The following CNTN5 variants were observed in gnomAD, a reference collection of about 807,000 sequenced individuals.
CNTN5 encodes the protein contactin-5.
A neutral mutation model predicts 129.1 loss-of-function variants in CNTN5; 77 were observed. That is an observed-to-expected ratio of 0.60 (90% CI 0.50 to 0.72). The LOEUF (loss-of-function observed/expected upper bound fraction) is 0.72. CNTN5 is among the 30% of genes least tolerant of loss of function. CNTN5 has a pLI of 0.00. For missense variants in CNTN5, 1,478 were observed against 1,328.8 expected (o/e 1.11, Z -1.75); for synonymous variants, 509 against 465.6 (o/e 1.09, Z -1.20).
chr11:100,167,280 T>TA, intron 13 of CNTN5, among the ~76,000 whole-genome samples: 1 of 151,894 alleles, frequency 6.6e-6, no homozygotes, highest in Non-Finnish European at 1.5e-5. Flanking sequence ...ATACTGTGTG[T>TA]AAGAGACCGT....
intron 2 of CNTN5, among the ~76,000 whole-genome samples, chr11:99,469,556 T>C (rs1179436843): frequency 6.6e-6 from 1 of 152,122 alleles, no homozygotes; most frequent in African/African-American, 2.4e-5. Context: ...AGCTCTGATT[T>C]TCCCATTCCC....
chr11:99,266,456 T>C (rs1010610370), intron 1 of CNTN5, among the ~76,000 whole-genome samples: 2 of 151,894 alleles, frequency 1.3e-5, no homozygotes, highest in South Asian at 2.1e-4. Flanking sequence ...TTAAAAGTTA[T>C]CCAGGCATGG....
intron 6 of CNTN5, among the ~76,000 whole-genome samples, chr11:99,849,305 T>C (rs1482324699): frequency 6.6e-6 from 1 of 151,836 alleles, no homozygotes. Context: ...CTTTGATTTT[T>C]AGTATCATTA....
intron 2 of CNTN5, among the ~76,000 whole-genome samples, chr11:99,468,590 C>A (rs74816604): frequency 6.6e-6 from 1 of 151,890 alleles, no homozygotes; most frequent in Non-Finnish European, 1.5e-5. Context: ...AGCTTCTTTC[C>A]ACTCAAATTC....
chr11:99,357,993 G>T (rs943436521), intron 2 of CNTN5, among the ~76,000 whole-genome samples: 1 of 148,652 alleles, frequency 6.7e-6, no homozygotes, highest in African/African-American at 2.5e-5. Flanking sequence ...GAGAGAGGGA[G>T]ACTCTGTCTC....
chr11:99,533,356 A>G (rs910588723), intron 2 of CNTN5, among the ~76,000 whole-genome samples: 1 of 152,248 alleles, frequency 6.6e-6, no homozygotes, highest in Non-Finnish European at 1.5e-5. Flanking sequence ...CAGCTAAAAC[A>G]GTAACATCAG....
At chr11:99,587,959 A>G (rs1949853954) in intron 3 of CNTN5, among the ~76,000 whole-genome samples, 1 of 152,212 alleles carries the variant, frequency 6.6e-6, no homozygotes, top group Non-Finnish European at 1.5e-5. Context: ...GAACAGCATA[A>G]CAAGAGAACA....
intron 3 of CNTN5, among the ~76,000 whole-genome samples, chr11:99,652,711 T>C (rs1952204516): frequency 6.6e-6 from 1 of 152,110 alleles, no homozygotes. Context: ...GCAGTCGAAA[T>C]ACTAACATGC....
chr11:100,309,432 A>G (rs907395002), intron 21 of CNTN5: 4 of 968,246 alleles, frequency 4.1e-6, no homozygotes, highest in African/African-American at 1.8e-5. Flanking sequence ...AATTTATACA[A>G]TCTTTCTAAG....
intron 2 of CNTN5, among the ~76,000 whole-genome samples, chr11:99,532,229 G>T (rs1488002780): frequency 1.3e-5 from 2 of 152,080 alleles, no homozygotes; most frequent in Non-Finnish European, 2.9e-5. Flanking sequence ...TGACTGCCCC[G>T]CTGGATTTGG....
intron 3 of CNTN5, among the ~76,000 whole-genome samples, chr11:99,576,702 G>C (rs1804834204): frequency 6.6e-6 from 1 of 152,174 alleles, no homozygotes; most frequent in Admixed American, 6.5e-5. Flanking sequence ...CCAAAATCCA[G>C]TTGCCTGCAG....
chr11:99,249,563 G>A, intron 1 of CNTN5, among the ~76,000 whole-genome samples: 1 of 152,016 alleles, frequency 6.6e-6, no homozygotes, highest in East Asian at 1.9e-4. Flanking sequence ...AAATACAGTA[G>A]ATTATTGAGC....
At chr11:99,549,092 CTTT>C in intron 2 of CNTN5, among the ~76,000 whole-genome samples, 1 of 146,916 alleles carries the variant, frequency 6.8e-6, no homozygotes, top group African/African-American at 2.6e-5. Context: ...GTGTCAATTC[CTTT>C]TTTTTTTTTA....
rs185803900 is a variant in CNTN5, at chr11:99,368,952, T to C, written c.-71+43468T>C. Among the ~76,000 whole-genome samples, 894 of 152,036 alleles carry C rather than the reference T, an allele frequency of 5.9e-3. 11 individuals carry two copies. Among genetic ancestry groups the C allele is most frequent in the African/African-American group, 0.019 (808 of 41,492 alleles). On this transcript the variant is annotated intron_variant, in intron 2 of 24. Coordinates refer to ENST00000524871, the MANE Select transcript of CNTN5 (RefSeq NM_014361.4). ...GAAGAGGGTGGGGAAGGGAATGTGT[T>C]CAGCATGTTAAATTAATCCACAATT...
chr11:99,778,341 C>T (rs1210902664), intron 3 of CNTN5, among the ~76,000 whole-genome samples: 1 of 151,932 alleles, frequency 6.6e-6, no homozygotes, highest in East Asian at 1.9e-4. Context: ...TCTATGACAT[C>T]ACCTTACTCT....
intron 8 of CNTN5, among the ~76,000 whole-genome samples, chr11:99,999,901 G>A (rs1004678724): frequency 4.6e-5 from 7 of 151,778 alleles, no homozygotes; most frequent in East Asian, 2.0e-4. Flanking sequence ...GTAAACTGTC[G>A]CAAGGCCAAA....
chr11:100,306,879 A>G (rs1317576756), intron 20 of CNTN5, among the ~76,000 whole-genome samples: 7 of 151,864 alleles, frequency 4.6e-5, no homozygotes, highest in South Asian at 2.1e-4. Flanking sequence ...AGAAATTTCA[A>G]CTTATACCAT....
At chr11:100,100,397 G>A (rs1201816861) in intron 13 of CNTN5, among the ~76,000 whole-genome samples, 4 of 152,042 alleles carry the variant, frequency 2.6e-5, no homozygotes, top group African/African-American at 9.7e-5. Context: ...GCCCTTCATA[G>A]GCCTCTTCAC....
chr11:99,835,156 G>A (rs567681163), intron 4 of CNTN5, among the ~76,000 whole-genome samples: 1 of 152,198 alleles, frequency 6.6e-6, no homozygotes, highest in African/African-American at 2.4e-5. Flanking sequence ...GGTAAGATCA[G>A]TACCATCACT....
Sources: allele counts gnomAD v4.1 joint callset (sites outside exome capture counted in the v4.1 genomes callset), GRCh38; gene constraint gnomAD v4.1.1; transcripts MANE v1.5; gene names NCBI Gene and HGNC (gene_info 2026-07-23, HGNC 2026-07-21).